Variants in TRIM66 observed in about 807,000 individuals in gnomAD.
TRIM66 encodes tripartite motif containing 66, also known as tripartite motif-containing protein 66.
A neutral mutation model predicts 148.2 loss-of-function variants in TRIM66; 99 were observed. That is an observed-to-expected ratio of 0.67 (90% CI 0.57 to 0.79). TRIM66 has a LOEUF of 0.79. Among genes scored for constraint, TRIM66 ranks in the 30% least tolerant of loss-of-function variants. TRIM66 has a pLI of 0.00. For synonymous variants in TRIM66, 616 were observed against 635.9 expected (o/e 0.97, Z 0.47); for missense variants, 1,666 against 1,697.9 (o/e 0.98, Z 0.33).
chr11:8,669,998 T>A (rs926128245), intron 6 of TRIM66, among the ~76,000 whole-genome samples: 1 of 150,372 alleles, frequency 6.7e-6, no homozygotes, highest in African/African-American at 2.4e-5. Context: ...TTTTGTTTTG[T>A]CTTGTTTTGT....
At chr11:8,648,764 T>A (rs1199683811) in intron 8 of TRIM66, among the ~76,000 whole-genome samples, 1 of 152,208 alleles carries the variant, frequency 6.6e-6, no homozygotes, top group East Asian at 1.9e-4. Context: ...TAGCACACCA[T>A]CAAGCCCAAG....
chr11:8,653,153 C>A (rs534334745), intron 6 of TRIM66, among the ~76,000 whole-genome samples: 1 of 152,268 alleles, frequency 6.6e-6, no homozygotes, highest in East Asian at 1.9e-4. Flanking sequence ...GTGGTAGATT[C>A]AAAAAATGGC....
At chr11:8,633,666 T>C (rs1205433583) in intron 15 of TRIM66, among the ~76,000 whole-genome samples, 1 of 152,180 alleles carries the variant, frequency 6.6e-6, no homozygotes, top group Non-Finnish European at 1.5e-5. Flanking sequence ...GGCTAGGCTA[T>C]GAGGAAAAGA....
intron 6 of TRIM66, among the ~76,000 whole-genome samples, chr11:8,659,322 G>A (rs2038083543): frequency 6.6e-6 from 1 of 152,158 alleles, no homozygotes; most frequent in South Asian, 2.1e-4. Context: ...ACTGAACACA[G>A]GGAGGTCAGG....
rs1159839834 is a variant in TRIM66 at position 8,649,743 on chromosome 11, G to A, written c.589C>T (p.Pro197Ser). The A allele has an allele frequency of 6.4e-7, 1 of 1,551,172 alleles. No individual in the cohort carries two copies. The highest frequency in any genetic ancestry group is 2.0e-5 in the Admixed American group (1 of 51,010). ...CAGGGAGAGGTGGGATTGGTACCTG[G>A]AGATCCCTTCTGGGCCCGAGGAAAG... is the stretch of plus-strand genomic sequence containing the variant. Reference protein sequence around the residue: ...PFFPRAQKGSPGVNGGPGDFT... With the variant: ...PFFPRAQKGSSGVNGGPGDFT... Residue 197 changes from proline (P) to serine (S), a missense_variant, in exon 8 of 25, where the codon CCA (proline) becomes TCA (serine). Around this residue, in one of 3 missense-constraint regions of TRIM66, gnomAD observed 1,431 missense variants for 1,412.4 expected, o/e 1.01. Coordinates refer to ENST00000646038, the MANE Select transcript of TRIM66 (RefSeq NM_001388022.1).
chr11:8,623,627 G>A (rs1480390721), intron 17 of TRIM66, among the ~76,000 whole-genome samples: 14 of 152,100 alleles, frequency 9.2e-5, no homozygotes, highest in South Asian at 2.1e-4. Flanking sequence ...TACATTGAAC[G>A]AAAAAAGTCC....
chr11:8,637,367 T>C (rs1477048859), intron 15 of TRIM66, among the ~76,000 whole-genome samples: 1 of 151,888 alleles, frequency 6.6e-6, no homozygotes, highest in African/African-American at 2.4e-5. Flanking sequence ...ATTAAATGAT[T>C]AAATAAATGG....
At chr11:8,662,921 T>A (rs1241764793) in intron 6 of TRIM66, among the ~76,000 whole-genome samples, 2 of 152,226 alleles carry the variant, frequency 1.3e-5, no homozygotes, top group Non-Finnish European at 2.9e-5. Flanking sequence ...CAGAGCTTGC[T>A]ACATTTACTT....
Position 8,612,761 on chromosome 11 carries a change from C to T in TRIM66, c.*5183G>A, listed in dbSNP as rs1230933532. On this transcript the variant is annotated 3_prime_UTR_variant, in exon 25 of 25. Coordinates refer to ENST00000646038, the MANE Select transcript of TRIM66 (RefSeq NM_001388022.1). Reference sequence around the variant, plus strand: ...AATGTTATCAGCAGCAGGCACCCACCCTGCCAGGTTCTCCTCCTGGTTAGC... The same window carrying T: ...AATGTTATCAGCAGCAGGCACCCACTCTGCCAGGTTCTCCTCCTGGTTAGC... 1 of 152,390 alleles carries T rather than the reference C, an allele frequency of 6.6e-6. No homozygotes were observed. Among genetic ancestry groups the T allele is most frequent in the Non-Finnish European group, 1.5e-5 (1 of 68,186 alleles). 9.4% of individuals were successfully genotyped at this position (152,390 alleles called of 1,614,324 possible).
At position 8,620,342 on chromosome 11, in the gene TRIM66, T is replaced by C. The variant is rs191438778; in HGVS notation, c.3672+104A>G. On this transcript the variant is annotated intron_variant, in intron 21 of 24. Coordinates refer to ENST00000646038, the MANE Select transcript of TRIM66 (RefSeq NM_001388022.1). ...AGTTGTCAGGCATAGGACGAAGAAA[T>C]GTATCCAGAAAAGCCCCTCATCCCC... 846 of 1,486,088 alleles carry C rather than the reference T, an allele frequency of 5.7e-4. 11 individuals are homozygous for C. In the Admixed American group the frequency reaches 0.016, roughly 27 times the overall value. 92.1% of individuals were successfully genotyped at this position (1,486,088 alleles called of 1,614,324 possible). A position where few individuals can be genotyped will look rare whatever the true frequency, so the allele number is the denominator to read the frequency against.
chr11:8,657,678 C>T (rs534809919), intron 6 of TRIM66, among the ~76,000 whole-genome samples: 1 of 152,100 alleles, frequency 6.6e-6, no homozygotes, highest in Non-Finnish European at 1.5e-5. Context: ...TGCCCTCCCA[C>T]CCCCGGGCAG....
intron 15 of TRIM66, among the ~76,000 whole-genome samples, chr11:8,629,979 G>A (rs2035240937): frequency 6.6e-6 from 1 of 152,214 alleles, no homozygotes; most frequent in Non-Finnish European, 1.5e-5. Flanking sequence ...TATATGCTAT[G>A]TGTTAGTTAT....
chr11:8,665,400 T>A (rs532718493), intron 6 of TRIM66, among the ~76,000 whole-genome samples: 10 of 152,382 alleles, frequency 6.6e-5, no homozygotes, highest in African/African-American at 2.4e-4. Context: ...CCAGTCCTAG[T>A]ACGTGGACAA....
chr11:8,618,847 T>C lies in TRIM66; in HGVS notation c.4022A>G (p.Glu1341Gly). Reference protein sequence around the residue: ...QPRQEDSDSEEVSSESGCSTP... With the variant: ...QPRQEDSDSEGVSSESGCSTP... ...GGAACATCCACTCTCACTAGACACC[T>C]CCTCGGAGTCTGAGTCCTCCTGCCT... Residue 1341 changes from glutamate (E) to glycine (G), a missense_variant, in exon 24 of 25, where the codon GAG becomes GGG. Transcript: ENST00000646038. 1 of 1,551,352 alleles carries C rather than the reference T, an allele frequency of 6.4e-7. No homozygotes were observed. The highest frequency in any genetic ancestry group is 2.4e-5 in the East Asian group (1 of 40,894).
chr11:8,657,493 T>G (rs1057509154), intron 6 of TRIM66, among the ~76,000 whole-genome samples: 1 of 152,030 alleles, frequency 6.6e-6, no homozygotes, highest in African/African-American at 2.4e-5. Context: ...TTAGCTAAAA[T>G]CACATGGCCC....
rs1483515074 is a variant in TRIM66, at chr11:8,621,263, A to G, written c.3314T>C (p.Val1105Ala). 7 of 1,551,608 alleles carry G rather than the reference A, an allele frequency of 4.5e-6. No homozygotes were observed. Among genetic ancestry groups the G allele is most frequent in the Non-Finnish European group, 6.1e-6 (7 of 1,146,982 alleles). The change falls in exon 20 of 25, where the codon GTC (valine) becomes GCC (alanine). Residue 1105 changes from valine (V) to alanine (A), a missense_variant. Val to Ala is a moderately conservative substitution (Grantham distance 64). Coordinates refer to ENST00000646038, the MANE Select transcript of TRIM66 (RefSeq NM_001388022.1). ...CTGCCCAGCCAAAGAAGTGACAGTG[A>G]CCTTTCTTCCCTCCAGACCTGGGGC... The part of the protein sequence containing the change: ...TQAPGLEGRK[V>A]TVTSLAGQRP...
intron 6 of TRIM66, among the ~76,000 whole-genome samples, chr11:8,655,644 G>A (rs1441433049): frequency 1.3e-5 from 2 of 151,980 alleles, no homozygotes; most frequent in South Asian, 2.1e-4. Flanking sequence ...TTAGTCAGGC[G>A]TGGTGGTGGG....
intron 7 of TRIM66, among the ~76,000 whole-genome samples, chr11:8,650,637 A>G (rs1337032843): frequency 3.3e-5 from 5 of 152,192 alleles, no homozygotes; most frequent in Admixed American, 3.3e-4. Context: ...AGGATGGTAC[A>G]CATTAACTGA....
intron 12 of TRIM66, among the ~76,000 whole-genome samples, chr11:8,643,337 C>CT (rs376014687): frequency 7.5e-4 from 106 of 140,522 alleles, no homozygotes; most frequent in Middle Eastern, 3.6e-3. Context: ...AACCTACATT[C>CT]TTTTTTTTTT....
Sources: gnomAD v4.1 joint callset for allele counts (sites outside exome capture counted in the v4.1 genomes callset) on GRCh38, gnomAD v4.1.1 for gene constraint, gnomAD v4.1.1 regional missense constraint, MANE v1.5 for transcripts, NCBI Gene and HGNC (gene_info 2026-07-23, HGNC 2026-07-21) for gene names.